Variants in SCN3A observed in about 807,000 individuals in gnomAD.
The protein encoded by SCN3A is sodium voltage-gated channel alpha subunit 3.
SCN3A carries 60 observed loss-of-function variants against 187.6 expected under a neutral mutation model. The ratio of observed to expected loss-of-function variants is 0.32; its 90% confidence interval spans 0.26 to 0.40. The LOEUF is 0.40. Among genes scored for constraint, SCN3A ranks in the 10% least tolerant of loss-of-function variants. SCN3A has a pLI of 1.00. For missense variants in SCN3A, 1,601 were observed against 2,428.2 expected (o/e 0.66, Z 7.16); for synonymous variants, 788 against 829.2 (o/e 0.95, Z 0.85).
chr2:165,197,705 A>G (rs1692056164), intron 1 of SCN3A, among the ~76,000 whole-genome samples: 1 of 150,608 alleles, frequency 6.6e-6, no homozygotes, highest in African/African-American at 2.4e-5. Flanking sequence ...TTCTCATTCC[A>G]GGTATATATA....
At chr2:165,182,795 G>A (rs554005613) in intron 2 of SCN3A, among the ~76,000 whole-genome samples, 2 of 152,084 alleles carry the variant, frequency 1.3e-5, no homozygotes, top group East Asian at 3.9e-4. Flanking sequence ...AAGCTGTCTG[G>A]GCTCGGGTAA....
chr2:165,170,365 A>G, intron 4 of SCN3A, 65 bp downstream of exon 4: 1 of 940,196 alleles, frequency 1.1e-6, no homozygotes. Flanking sequence ...TGAAAATATA[A>G]CTGACATTTT....
intron 25 of SCN3A, 118 bp from the exon 26 acceptor site, chr2:165,094,596 T>C (rs893423120): frequency 7.0e-6 from 5 of 712,784 alleles, no homozygotes; most frequent in African/African-American, 3.6e-5. Context: ...CTCCTACATA[T>C]ACATTTATCC....
intron 5 of SCN3A, among the ~76,000 whole-genome samples, chr2:165,165,828 C>T (rs1242981088): frequency 1.3e-5 from 2 of 152,302 alleles, no homozygotes; most frequent in East Asian, 3.9e-4. Flanking sequence ...CAGATATCTT[C>T]AAGTCTAGTT....
chr2:165,155,177 T>A (rs1326490567), intron 10 of SCN3A, among the ~76,000 whole-genome samples: 1 of 152,334 alleles, frequency 6.6e-6, no homozygotes, highest in African/African-American at 2.4e-5. Flanking sequence ...CTAAGAGTCA[T>A]GAGCATCTCC....
intron 20 of SCN3A, among the ~76,000 whole-genome samples, chr2:165,113,451 G>A (rs759781565): frequency 2.6e-5 from 4 of 151,818 alleles, no homozygotes; most frequent in Non-Finnish European, 5.9e-5. Context: ...AGAATAAGTT[G>A]ATTATACATG....
Position 165,140,945 on chromosome 2 carries a change from T to A in SCN3A, c.1725A>T (p.Thr575=). 4.3e-6 allele frequency: 7 copies of A among 1,614,078 alleles called. No individual in the cohort carries two copies. The highest frequency in any genetic ancestry group is 5.9e-6 in the Non-Finnish European group (7 of 1,179,980). ...CCCGACCTCTGAAACTGAAAATGCT[T>A]GTTTTGCTATTGCGTCTTGGGGAAA... ...SLFSPRRNSK[T]SIFSFRGRAK... is the part of the protein sequence containing the mutation. Residue 575 remains threonine (T), a synonymous_variant, in exon 13 of 28, where the codon ACA becomes ACT. Transcript: ENST00000283254. The surrounding 1 kb of genome is among the most constrained non-coding windows in gnomAD (Gnocchi z 4.2).
intron 12 of SCN3A, among the ~76,000 whole-genome samples, chr2:165,143,638 C>G (rs1274419814): frequency 3.9e-5 from 6 of 152,176 alleles, no homozygotes; most frequent in Non-Finnish European, 1.5e-5. Flanking sequence ...AACACTTTCT[C>G]TAGGGAAAAC....
chr2:165,160,124 G>A (rs1307340871), intron 9 of SCN3A, among the ~76,000 whole-genome samples: 1 of 109,968 alleles, frequency 9.1e-6, no homozygotes, highest in South Asian at 2.8e-4. Context: ...GCTAAACTCC[G>A]TCTCAAAAAA....
chr2:165,193,000 A>G (rs1349228932), intron 1 of SCN3A, among the ~76,000 whole-genome samples: 1 of 152,208 alleles, frequency 6.6e-6, no homozygotes, highest in East Asian at 1.9e-4. Flanking sequence ...TATTTAGGAC[A>G]TATCATCTTA....
chr2:165,169,071 G>GC (rs35822069), intron 4 of SCN3A, among the ~76,000 whole-genome samples: 34,212 of 151,570 alleles, frequency 0.23, 5,036 homozygotes, highest in East Asian at 0.52. Flanking sequence ...TGAAGCAAAT[G>GC]CAAGTTATTT....
Position 165,092,765 on chromosome 2 carries a change from C to T in SCN3A, c.4537-241G>A. On this transcript the variant is annotated intron_variant, in intron 26 of 27. Coordinates refer to ENST00000283254, the MANE Select transcript of SCN3A (RefSeq NM_006922.4). The surrounding 1 kb of genome is among the most constrained non-coding windows in gnomAD (Gnocchi z 4.2). ...TATGGAAAGACAAAGCTGGATGAGA[C>T]ATAAATTAAGGCTGGGCGTGGCAAC... The T allele has an allele frequency of 2.1e-6, 1 of 474,752 alleles. No individual in the cohort carries two copies. Among genetic ancestry groups the T allele is most frequent in the Non-Finnish European group, 3.8e-6 (1 of 265,250 alleles). The allele number at this position is 474,752 out of a possible 1,614,324, so 29.4% of individuals were successfully genotyped here.
At chr2:165,166,616 G>C (rs1689775832) in intron 5 of SCN3A, among the ~76,000 whole-genome samples, 1 of 152,158 alleles carries the variant, frequency 6.6e-6, no homozygotes, top group East Asian at 1.9e-4. Context: ...TCTTTGTACA[G>C]GGACTGTTTC....
chr2:165,119,956 T>G (rs1458787387), intron 18 of SCN3A, among the ~76,000 whole-genome samples: 1 of 152,172 alleles, frequency 6.6e-6, no homozygotes, highest in Non-Finnish European at 1.5e-5. Flanking sequence ...AAGTTCAAAC[T>G]TGTTTTCTTG....
At position 165,087,885 on chromosome 2, in the gene SCN3A, CTAT is replaced by C. The variant is rs1684908677; in HGVS notation, c.*2262_*2264del. 6.6e-6 allele frequency: 1 copy of C among 152,104 alleles called. No homozygotes were observed. Among genetic ancestry groups the C allele is most frequent in the African/African-American group, 2.4e-5 (1 of 41,424 alleles). 9.4% of individuals were successfully genotyped at this position (152,104 alleles called of 1,614,324 possible). A position where few individuals can be genotyped will look rare whatever the true frequency, so the allele number is the denominator to read the frequency against. On this transcript the variant is annotated 3_prime_UTR_variant, in exon 28 of 28. Coordinates refer to ENST00000283254, the MANE Select transcript of SCN3A (RefSeq NM_006922.4). ...TGAAAGCTATTGTAGGTGGTTACTA[CTAT>C]TATTATCAAACCTGAAAGTTGGAAC...
At chr2:165,200,492 C>T (rs1692245094) in intron 1 of SCN3A, among the ~76,000 whole-genome samples, 1 of 151,994 alleles carries the variant, frequency 6.6e-6, no homozygotes, top group African/African-American at 2.4e-5. Context: ...TTATCATCAA[C>T]CCTAAAGATA....
Position 165,088,144 on chromosome 2 carries a change from A to G in SCN3A, c.*2006T>C, listed in dbSNP as rs1037977303. 1 of 152,592 alleles carries G rather than the reference A, an allele frequency of 6.6e-6. No individual in the cohort carries two copies. Among genetic ancestry groups the G allele is most frequent in the Non-Finnish European group, 1.5e-5 (1 of 67,978 alleles). 9.5% of individuals were successfully genotyped at this position (152,592 alleles called of 1,614,324 possible). On this transcript the variant is annotated 3_prime_UTR_variant, in exon 28 of 28. Transcript: ENST00000283254. The stretch of plus-strand genomic sequence containing the variant: ...CCCAGAGGCCAATAAGTGAAATGCA[A>G]TAAAAAATGAAATTTATTCTTTTGG...
chr2:165,201,579 G>A (rs1692322272), intron 1 of SCN3A, among the ~76,000 whole-genome samples: 1 of 151,924 alleles, frequency 6.6e-6, no homozygotes, highest in Non-Finnish European at 1.5e-5. Context: ...CTGTAACACA[G>A]GCATTATTAT....
At chr2:165,177,277 C>CA (rs1288919581) in intron 2 of SCN3A, among the ~76,000 whole-genome samples, 2 of 152,150 alleles carry the variant, frequency 1.3e-5, no homozygotes, top group African/African-American at 4.8e-5. Context: ...TCAGGTGCTA[C>CA]ACTGTCCGTT....
Sources: gnomAD v4.1 joint callset for allele counts (sites outside exome capture counted in the v4.1 genomes callset) on GRCh38, gnomAD v4.1.1 for gene constraint, Gnocchi (gnomAD v3.1) non-coding constraint, MANE v1.5 for transcripts, NCBI Gene and HGNC (gene_info 2026-07-23, HGNC 2026-07-21) for gene names.